The following TMEM196 variants were observed in gnomAD, a reference collection of about 807,000 sequenced individuals.
The protein encoded by TMEM196 is transmembrane protein 196.
TMEM196 carries 17 observed loss-of-function variants against 20.0 expected under a neutral mutation model. That is an observed-to-expected ratio of 0.85 (90% CI 0.58 to 1.27). The LOEUF is 1.27. TMEM196 is among the 50% of genes most tolerant of loss of function. The probability of loss-of-function intolerance (pLI) is 0.00; values close to 1 mark genes in which losing one functional copy is unlikely to be tolerated. For synonymous variants in TMEM196, 113 were observed against 88.9 expected, an observed-to-expected ratio of 1.27 and a Z score of -1.52; for missense variants, 267 against 223.0, an observed-to-expected ratio of 1.20 and a Z score of -1.26.
intron 1 of TMEM196, among the ~76,000 whole-genome samples, chr7:19,761,146 A>G (rs1395915809): frequency 6.6e-6 from 1 of 152,118 alleles, no homozygotes; most frequent in Non-Finnish European, 1.5e-5. Context: ...AGACCTCCTC[A>G]GTGGTCTTGG....
At chr7:19,724,393 A>C in intron 3 of TMEM196, 40 bp from the exon 4 acceptor site, 1 of 1,527,614 alleles carries the variant, frequency 6.5e-7, no homozygotes, top group Non-Finnish European at 8.9e-7. Context: ...ATATTGCACA[A>C]ATATATACAG....
chr7:19,761,706 A>T (rs1037776752), intron 1 of TMEM196, among the ~76,000 whole-genome samples: 10 of 152,336 alleles, frequency 6.6e-5, no homozygotes, highest in Admixed American at 6.5e-4. Context: ...ACCTTTTCAG[A>T]GACTAAAGTA....
At chr7:19,745,200 T>C (rs553029053) in intron 1 of TMEM196, among the ~76,000 whole-genome samples, 8 of 152,238 alleles carry the variant, frequency 5.3e-5, no homozygotes, top group Non-Finnish European at 5.9e-5. Context: ...TATATTGTTT[T>C]TCTATGTGTA....
chr7:19,730,103 A>C (rs938962054), intron 1 of TMEM196, among the ~76,000 whole-genome samples: 1 of 152,078 alleles, frequency 6.6e-6, no homozygotes, highest in Non-Finnish European at 1.5e-5. Context: ...AAAAATACAA[A>C]AAATTAGCCG....
intron 1 of TMEM196, among the ~76,000 whole-genome samples, chr7:19,757,952 T>C (rs900200495): frequency 2.0e-5 from 3 of 147,174 alleles, no homozygotes; most frequent in Non-Finnish European, 4.5e-5. Flanking sequence ...ATGAAGCCAT[T>C]TTTATATATA....
intron 1 of TMEM196, among the ~76,000 whole-genome samples, chr7:19,755,928 C>T (rs1441356109): frequency 6.6e-6 from 1 of 151,954 alleles, no homozygotes; most frequent in East Asian, 1.9e-4. Flanking sequence ...ACTCAGGAGG[C>T]TGAGGCACAA....
chr7:19,748,279 A>AG (rs1258110981), intron 1 of TMEM196, among the ~76,000 whole-genome samples: 1 of 150,130 alleles, frequency 6.7e-6, no homozygotes, highest in African/African-American at 2.5e-5. Flanking sequence ...AAAAAAAAAA[A>AG]AAAAAAAAAA....
rs59859025 is a variant in TMEM196 at position 19,757,337 on chromosome 7, C to CTTT, written c.147+15210_147+15212dup. On this transcript the variant is annotated intron_variant, in intron 1 of 4. Coordinates refer to ENST00000405844, the MANE Select transcript of TMEM196 (RefSeq NM_001363562.2). ...TATAGGTGCGTGTCACCACACCCAG[C>CTTT]TTTTTTTTTTTTTTTTTTTTTTTTG... Among the ~76,000 whole-genome samples, 105 of 70,870 alleles carry CTTT rather than the reference C, an allele frequency of 1.5e-3. 1 individual carries two copies. Among genetic ancestry groups the CTTT allele is most frequent in the African/African-American group, 2.4e-3 (39 of 16,270 alleles). 46.5% of individuals were successfully genotyped at this position (70,870 alleles called of 152,430 possible). A position where few individuals can be genotyped will look rare whatever the true frequency, so the allele number is the denominator to read the frequency against.
At chr7:19,770,471 A>G (rs918279489) in intron 1 of TMEM196, among the ~76,000 whole-genome samples, 2 of 152,200 alleles carry the variant, frequency 1.3e-5, no homozygotes. Flanking sequence ...CTGTCACCCA[A>G]TAAACACAAT....
At chr7:19,739,492 C>T (rs1329683117) in intron 1 of TMEM196, among the ~76,000 whole-genome samples, 1 of 152,078 alleles carries the variant, frequency 6.6e-6, no homozygotes, top group African/African-American at 2.4e-5. Flanking sequence ...AGAGCTTGTC[C>T]ATCTCTTCAG....
Position 19,763,484 on chromosome 7 carries a change from T to C in TMEM196, c.147+9066A>G, listed in dbSNP as rs149930432. ...AAAATTATACCTTGGTATTCCAACA[T>C]TGATCTAAAACAATTATTCCTGGGA... On this transcript the variant is annotated intron_variant, in intron 1 of 4. Coordinates refer to ENST00000405844, the MANE Select transcript of TMEM196 (RefSeq NM_001363562.2). Among the ~76,000 whole-genome samples, 5 of 152,304 alleles carry C rather than the reference T, an allele frequency of 3.3e-5. 1 individual carries two copies. The highest frequency in any genetic ancestry group is 4.4e-5 in the Non-Finnish European group (3 of 68,022).
At chr7:19,742,206 T>C (rs1784605729) in intron 1 of TMEM196, among the ~76,000 whole-genome samples, 1 of 152,176 alleles carries the variant, frequency 6.6e-6, no homozygotes, top group Non-Finnish European at 1.5e-5. Context: ...TTCTTTGTTA[T>C]CTTATGGTTA....
At chr7:19,762,650 A>T (rs781055968) in intron 1 of TMEM196, among the ~76,000 whole-genome samples, 1 of 152,198 alleles carries the variant, frequency 6.6e-6, no homozygotes, top group Non-Finnish European at 1.5e-5. Context: ...CAACATTCAG[A>T]TATAAAGCTC....
intron 4 of TMEM196, 34 bp from the exon 5 acceptor site, chr7:19,722,168 G>A (rs766861595): frequency 4.6e-5 from 72 of 1,567,154 alleles, no homozygotes; most frequent in East Asian, 9.2e-5. Context: ...ATTAAAATTC[G>A]CTTTTGGAGT....
intron 1 of TMEM196, among the ~76,000 whole-genome samples, chr7:19,740,049 A>G (rs1381626533): frequency 6.6e-6 from 1 of 152,164 alleles, no homozygotes; most frequent in Non-Finnish European, 1.5e-5. Context: ...AAGTGTACAA[A>G]CTGATCCATG....
chr7:19,770,848 ACTAAG>A (rs1304899033), intron 1 of TMEM196, among the ~76,000 whole-genome samples: 3 of 152,170 alleles, frequency 2.0e-5, no homozygotes, highest in African/African-American at 7.2e-5. Context: ...CTTACATGAT[ACTAAG>A]CTAACATAAC....
At chr7:19,730,749 A>G (rs185885640) in intron 1 of TMEM196, among the ~76,000 whole-genome samples, 24 of 152,356 alleles carry the variant, frequency 1.6e-4, no homozygotes, top group African/African-American at 3.6e-4. Flanking sequence ...TTAAAAAGCA[A>G]TAAGTAAGGG....
intron 1 of TMEM196, among the ~76,000 whole-genome samples, chr7:19,750,539 A>G (rs928751268): frequency 6.6e-6 from 1 of 152,110 alleles, no homozygotes; most frequent in African/African-American, 2.4e-5. Flanking sequence ...TAAGCTGGTG[A>G]AAAGTTGCTC....
chr7:19,753,026 C>T (rs207994), intron 1 of TMEM196, among the ~76,000 whole-genome samples: 1 of 152,160 alleles, frequency 6.6e-6, no homozygotes, highest in Admixed American at 6.5e-5. Flanking sequence ...TCTTCTACAG[C>T]CAAAGTGCAC....
Sources: allele counts gnomAD v4.1 joint callset (sites outside exome capture counted in the v4.1 genomes callset), GRCh38; gene constraint gnomAD v4.1.1; transcripts MANE v1.5; gene names NCBI Gene and HGNC (gene_info 2026-07-23, HGNC 2026-07-21).